HSPG2: variants seen among roughly 807,000 people sequenced by gnomAD.
HSPG2 encodes heparan sulfate proteoglycan 2.
In HSPG2, 278 loss-of-function variants were observed where a neutral mutation model predicts 526.6. That is an observed-to-expected ratio of 0.53 (90% CI 0.48 to 0.58). The LOEUF is 0.58. Among genes scored for constraint, HSPG2 ranks in the 20% least tolerant of loss-of-function variants. The probability of loss-of-function intolerance (pLI) is 0.00; values close to 1 mark genes in which losing one functional copy is unlikely to be tolerated. For synonymous variants in HSPG2, 2,465 were observed against 2,555.4 expected (o/e 0.96, Z 1.07); for missense variants, 5,354 against 6,099.5 (o/e 0.88, Z 4.07).
Position 21,841,302 on chromosome 1 carries a change from C to A in HSPG2, c.9329-17G>T, listed in dbSNP as rs571246925. 1.2e-6 allele frequency: 2 copies of A among 1,613,180 alleles called. No individual in the cohort carries two copies. Among genetic ancestry groups the A allele is most frequent in the South Asian group, 2.2e-5 (2 of 91,060 alleles). On this transcript the variant is annotated splice_polypyrimidine_tract_variant and intron_variant, in intron 70 of 96. Coordinates refer to ENST00000374695, the MANE Select transcript of HSPG2 (RefSeq NM_005529.7). Reference sequence around the variant, plus strand: ...TAGGGGGCCCTGTGCGGAGGAATGACAACCACTGACACACAGGCAGGGCTC... The same window carrying A: ...TAGGGGGCCCTGTGCGGAGGAATGAAAACCACTGACACACAGGCAGGGCTC...
chr1:21,823,828 C>T (rs867647926), intron 95 of HSPG2, 109 bp from the exon 96 acceptor site: 2 of 871,682 alleles, frequency 2.3e-6, no homozygotes, highest in African/African-American at 1.6e-5. Flanking sequence ...AGAAGTCTGT[C>T]CCTGTTTCCC....
Position 21,874,728 on chromosome 1 carries a change from T to A in HSPG2, c.3416A>T (p.Asp1139Val). The change falls in exon 27 of 97, where the codon GAC becomes GTC. Residue 1139 changes from aspartate to valine, a missense_variant and splice_region_variant. Transcript: ENST00000374695. Reference sequence around the variant, plus strand: ...CGTGCGTGTGTAGCCTGTGTCACAGTCCTGGGGGCAGAAAGATGGCAGTGG... The same window carrying A: ...CGTGCGTGTGTAGCCTGTGTCACAGACCTGGGGGCAGAAAGATGGCAGTGG... ...PPGYRGPSCQ[D>V]CDTGYTRTPS... 6.3e-7 allele frequency: 1 copy of A among 1,598,100 alleles called. No homozygotes were observed.
chr1:21,884,939 T>G, intron 11 of HSPG2, 21 bp from the exon 12 acceptor site: 1 of 1,613,782 alleles, frequency 6.2e-7, no homozygotes, highest in Non-Finnish European at 8.5e-7. Context: ...CCAAGACAAG[T>G]GGTAGGATCT....
chr1:21,840,427 T>C (rs916652538), intron 71 of HSPG2, among the ~76,000 whole-genome samples: 2 of 152,190 alleles, frequency 1.3e-5, no homozygotes, highest in African/African-American at 4.8e-5. Context: ...TGCCTCAGCC[T>C]CCTGAGTAGC....
intron 1 of HSPG2, among the ~76,000 whole-genome samples, chr1:21,925,510 G>A (rs998914882): frequency 6.6e-6 from 1 of 152,210 alleles, no homozygotes; most frequent in South Asian, 2.1e-4. Context: ...GGGAGCTTGG[G>A]ACCTGACTGA....
chr1:21,826,852 C>T (rs2097977484), intron 91 of HSPG2, among the ~76,000 whole-genome samples: 1 of 152,216 alleles, frequency 6.6e-6, no homozygotes, highest in African/African-American at 2.4e-5. Context: ...TGTACTGACT[C>T]TGTACCACAC....
At position 21,887,350 on chromosome 1, in the gene HSPG2, G is replaced by A. The variant is rs185026026; in HGVS notation, c.959-16C>T. Reference sequence around the variant, plus strand: ...GGCGGGGGGCCTAGGAGACCGGGCAGGGGTCAGCAGCATCCTCCCGGGCCA... The same window carrying A: ...GGCGGGGGGCCTAGGAGACCGGGCAAGGGTCAGCAGCATCCTCCCGGGCCA... On this transcript the variant is annotated splice_polypyrimidine_tract_variant and intron_variant, in intron 8 of 96. Coordinates refer to ENST00000374695, the MANE Select transcript of HSPG2 (RefSeq NM_005529.7). This position sits in a 1 kb window ranked among gnomAD's most constrained non-coding sequence, Gnocchi z 5.0. The A allele has an allele frequency of 1.3e-4, 215 of 1,613,956 alleles. No homozygotes were observed. In the East Asian group the frequency reaches 4.3e-3, roughly 32 times the overall value.
chr1:21,844,053 C>A, intron 65 of HSPG2, 95 bp downstream of exon 65: 1 of 1,522,128 alleles, frequency 6.6e-7, no homozygotes, highest in Non-Finnish European at 9.0e-7. Flanking sequence ...TTCCCACAAG[C>A]CCCAGTTGCT....
chr1:21,839,528 G>A lies in HSPG2; in HGVS notation c.9732C>T (p.His3244=), dbSNP rs74782938. The change falls in exon 73 of 97, where the codon CAC becomes CAT. Residue 3244 remains histidine, a synonymous_variant. Transcript: ENST00000374695. The surrounding 1 kb of genome is among the most constrained non-coding windows in gnomAD (Gnocchi z 4.5). The stretch of plus-strand genomic sequence containing the variant: ...GCAGTGGGGAACGCAGCTTGGACCA[G>A]TGGATGGTGGGCGCGGGGCTGCCTG... ...SATGSPAPTI[H]WSKLRSPLPW... The A allele has an allele frequency of 1.2e-3, 1,916 of 1,614,062 alleles. 23 individuals carry two copies. In the African/African-American group the frequency reaches 0.024, roughly 20 times the overall value.
chr1:21,888,165 TG>T lies in HSPG2; in HGVS notation c.575-100del, dbSNP rs1317771555. 3.3e-6 allele frequency: 5 copies of T among 1,523,648 alleles called. No individual in the cohort carries two copies. The African/African-American group carries it at 6.8e-5, about 21-fold the overall frequency. 94.4% of individuals were successfully genotyped at this position (1,523,648 alleles called of 1,614,324 possible). A position where few individuals can be genotyped will look rare whatever the true frequency, so the allele number is the denominator to read the frequency against. ...GGCTGGAGTGGGCTCCAGGGCCCTG[TG>T]TCAGGCAGCTCGGTTTCTGGCAGGC... is the stretch of plus-strand genomic sequence containing the variant. On this transcript the variant is annotated intron_variant, in intron 6 of 96. Coordinates refer to ENST00000374695, the MANE Select transcript of HSPG2 (RefSeq NM_005529.7).
chr1:21,918,643 G>T (rs2152795575), intron 1 of HSPG2, among the ~76,000 whole-genome samples: 1 of 152,226 alleles, frequency 6.6e-6, no homozygotes, highest in Middle Eastern at 3.4e-3. Flanking sequence ...TATAGAGGAG[G>T]GAAGTGATGG....
intron 57 of HSPG2, 60 bp downstream of exon 57, chr1:21,849,981 C>T: frequency 6.2e-7 from 1 of 1,605,424 alleles, no homozygotes; most frequent in East Asian, 2.2e-5. Context: ...CCCGGTCAAG[C>T]CTATGCTCTT....
At chr1:21,930,234 G>A (rs1644313381) in intron 1 of HSPG2, among the ~76,000 whole-genome samples, 1 of 152,138 alleles carries the variant, frequency 6.6e-6, no homozygotes, top group African/African-American at 2.4e-5. Context: ...ATATCTGCGA[G>A]GCTCACCCGC....
Position 21,872,094 on chromosome 1 carries a change from T to G in HSPG2, c.4221+92A>C. 1 of 1,369,742 alleles carries G rather than the reference T, an allele frequency of 7.3e-7. No individual in the cohort carries two copies. The highest frequency in any genetic ancestry group is 1.0e-6 in the Non-Finnish European group (1 of 983,258). The allele number at this position is 1,369,742 out of a possible 1,614,324, so 84.8% of individuals were successfully genotyped here. On this transcript the variant is annotated intron_variant, in intron 33 of 96. Coordinates refer to ENST00000374695, the MANE Select transcript of HSPG2 (RefSeq NM_005529.7). This position sits in a 1 kb window ranked among gnomAD's most constrained non-coding sequence, Gnocchi z 5.5. ...CACGTGCCTAACCACGATATGGCCATGCAGGTGGCAGGTGCCTGCCTGCTG... is the reference window on the plus strand; with the variant it reads ...CACGTGCCTAACCACGATATGGCCAGGCAGGTGGCAGGTGCCTGCCTGCTG...
At chr1:21,835,011 T>C (rs748469882) in intron 76 of HSPG2, 66 bp from the exon 77 acceptor site, 5 of 1,572,876 alleles carry the variant, frequency 3.2e-6, no homozygotes, top group East Asian at 4.5e-5. Flanking sequence ...AGGGAGGCCA[T>C]AGACTGCCCA....
At chr1:21,843,154 C>T (rs1057386661) in intron 66 of HSPG2, 143 bp downstream of exon 66, 2 of 1,269,886 alleles carry the variant, frequency 1.6e-6, no homozygotes, top group Non-Finnish European at 2.3e-6. Context: ...CTTGGGAACA[C>T]CTGGGTTGGC....
chr1:21,831,717 G>T lies in HSPG2; in HGVS notation c.11287C>A (p.Leu3763Met), dbSNP rs370235111. 7 of 1,606,480 alleles carry T rather than the reference G, an allele frequency of 4.4e-6. No individual in the cohort carries two copies. In the African/African-American group the frequency reaches 9.4e-5, roughly 21 times the overall value. The change falls in exon 82 of 97, where the codon CTG (leucine) becomes ATG (methionine). Residue 3763 changes from leucine to methionine, a missense_variant. Coordinates refer to ENST00000374695, the MANE Select transcript of HSPG2 (RefSeq NM_005529.7). Reference protein sequence around the residue: ...ALGHFHTVTLLRSLTQGSLIV... With the variant: ...ALGHFHTVTLMRSLTQGSLIV... ...AGGGAGCCCTGGGTGAGGCTGCGCA[G>T]CAGGGTCACGGTGTGGAAATGGCCC... is the stretch of plus-strand genomic sequence containing the variant.
At chr1:21,882,932 G>C (rs370834539) in intron 13 of HSPG2, among the ~76,000 whole-genome samples, 2 of 152,092 alleles carry the variant, frequency 1.3e-5, no homozygotes, top group Non-Finnish European at 2.9e-5. Flanking sequence ...GCACAGCCCC[G>C]GGTCTAGGTT....
rs775381139 is a variant in HSPG2 at position 21,854,718 on chromosome 1, A to G, written c.6181T>C (p.Ser2061Pro). Reference sequence around the variant, plus strand: ...TCGAGTGTTTGCCCTTCTGTCACAGAAGGCGATGAGGACTCAATCTTGACC... The same window carrying G: ...TCGAGTGTTTGCCCTTCTGTCACAGGAGGCGATGAGGACTCAATCTTGACC... ...PPVKIESSSP[S>P]VTEGQTLDLN... Residue 2061 changes from serine to proline, a missense_variant, in exon 49 of 97, where the codon TCT (serine) becomes CCT (proline). By Grantham distance (74) the Ser-to-Pro change is moderately conservative (BLOSUM62 -1). Transcript: ENST00000374695. The G allele has an allele frequency of 6.2e-7, 1 of 1,613,416 alleles. No homozygotes were observed. The highest frequency in any genetic ancestry group is 1.7e-5 in the Admixed American group (1 of 59,924).
Sources: gnomAD v4.1 joint callset for allele counts (sites outside exome capture counted in the v4.1 genomes callset) on GRCh38, gnomAD v4.1.1 for gene constraint, Gnocchi (gnomAD v3.1) non-coding constraint, MANE v1.5 for transcripts, NCBI Gene and HGNC (gene_info 2026-07-23, HGNC 2026-07-21) for gene names.